The following KLHL2 variants were observed in gnomAD, a reference collection of about 807,000 sequenced individuals.
KLHL2 encodes kelch like family member 2.
Under a neutral mutation model 75.8 loss-of-function variants are expected in KLHL2, and 15 were observed. The observed-to-expected ratio is 0.20, with a 90% CI of 0.13 to 0.30. The LOEUF (loss-of-function observed/expected upper bound fraction) is 0.30. Ranked by LOEUF, KLHL2 falls within the 10% of genes least tolerant of loss-of-function variation. The pLI is 1.00. For missense variants in KLHL2, 381 were observed against 741.0 expected (o/e 0.51, Z 5.64); for synonymous variants, 214 against 251.9 (o/e 0.85, Z 1.42).
chr4:165,271,614 T>C (rs991154145), intron 5 of KLHL2, among the ~76,000 whole-genome samples: 4 of 147,902 alleles, frequency 2.7e-5, no homozygotes, highest in African/African-American at 9.8e-5. Context: ...AGTTTGACTT[T>C]CTCTTTTCCA....
chr4:165,242,817 A>G (rs1385680156), intron 4 of KLHL2, among the ~76,000 whole-genome samples: 2 of 152,214 alleles, frequency 1.3e-5, no homozygotes, highest in East Asian at 1.9e-4. Flanking sequence ...GGCTTTAGAT[A>G]TAAAAAATAT....
At chr4:165,251,901 G>A (rs370518821) in intron 4 of KLHL2, among the ~76,000 whole-genome samples, 4 of 152,168 alleles carry the variant, frequency 2.6e-5, no homozygotes, top group Admixed American at 6.5e-5. Context: ...GAGCCACCGC[G>A]CCCGGCCCCA....
chr4:165,285,484 GCAAC>G (rs1744021355), intron 5 of KLHL2, among the ~76,000 whole-genome samples: 1 of 152,180 alleles, frequency 6.6e-6, no homozygotes, highest in Non-Finnish European at 1.5e-5. Context: ...TAGGCTCACT[GCAAC>G]CTCTGCCTCC....
intron 9 of KLHL2, among the ~76,000 whole-genome samples, chr4:165,306,562 A>G (rs1424431373): frequency 6.6e-6 from 1 of 152,218 alleles, no homozygotes. Flanking sequence ...TATTACTCCC[A>G]CTAACAGTAA....
At position 165,264,753 on chromosome 4, in the gene KLHL2, TATATATATATATAA is replaced by T. The variant is rs1560784307; in HGVS notation, c.544+1396_544+1409del. Among the ~76,000 whole-genome samples the T allele has an allele frequency of 2.7e-3, 219 of 81,494 alleles. 3 individuals carry two copies. The highest frequency in any genetic ancestry group is 9.8e-3 in the African/African-American group (201 of 20,462). 53.5% of individuals were successfully genotyped at this position (81,494 alleles called of 152,430 possible). On this transcript the variant is annotated intron_variant, in intron 5 of 14. Transcript: ENST00000226725. The stretch of plus-strand genomic sequence containing the variant: ...ATATATATATATGTATATATATATA[TATATATATATATAA>T]AACATTATCCACTCATTGGCTGATG...
rs942752683 is a variant in KLHL2, at chr4:165,319,072, TAAATC to T, written c.1753+1105_1753+1109del. ...TGAACAAACCACAAAGATACAATAT[TAAATC>T]ATAACTGCATGAAATTAACTGTAGT... On this transcript the variant is annotated intron_variant, in intron 14 of 14. Coordinates refer to ENST00000226725, the MANE Select transcript of KLHL2 (RefSeq NM_007246.4). This position sits in a 1 kb window ranked among gnomAD's most constrained non-coding sequence, Gnocchi z 4.5. Among the ~76,000 whole-genome samples, 5 of 152,158 alleles carry T rather than the reference TAAATC, an allele frequency of 3.3e-5. No homozygotes were observed. The highest frequency in any genetic ancestry group is 1.2e-4 in the African/African-American group (5 of 41,434).
chr4:165,293,910 T>C (rs1345838558), intron 5 of KLHL2, among the ~76,000 whole-genome samples: 2 of 152,172 alleles, frequency 1.3e-5, no homozygotes, highest in Admixed American at 1.3e-4. Context: ...GCTTTTTTCC[T>C]TACTCCATAA....
At chr4:165,223,475 A>C (rs557592833) in intron 2 of KLHL2, among the ~76,000 whole-genome samples, 12 of 152,360 alleles carry the variant, frequency 7.9e-5, no homozygotes, top group African/African-American at 2.4e-4. Context: ...TCTTCCTGGC[A>C]TGATTAATTG....
At chr4:165,228,432 T>C (rs935166288) in intron 2 of KLHL2, among the ~76,000 whole-genome samples, 2 of 152,120 alleles carry the variant, frequency 1.3e-5, no homozygotes, top group African/African-American at 2.4e-5. Context: ...GTATGTGTTT[T>C]TTCTTCATCT....
chr4:165,291,413 G>C (rs1368679956), intron 5 of KLHL2, among the ~76,000 whole-genome samples: 4 of 151,848 alleles, frequency 2.6e-5, no homozygotes, highest in African/African-American at 9.7e-5. Flanking sequence ...CCATACCCAA[G>C]GTTAGTTAAA....
intron 1 of KLHL2, among the ~76,000 whole-genome samples, chr4:165,213,130 A>G (rs541034652): frequency 1.4e-3 from 213 of 152,206 alleles, no homozygotes; most frequent in African/African-American, 5.0e-3. Flanking sequence ...CATCCTCCAC[A>G]TCTTATCAGT....
intron 1 of KLHL2, among the ~76,000 whole-genome samples, chr4:165,214,152 A>C (rs1192206126): frequency 6.6e-6 from 1 of 152,156 alleles, no homozygotes; most frequent in Non-Finnish European, 1.5e-5. Flanking sequence ...TCAGTGCTGG[A>C]AAATGTATCC....
Position 165,294,472 on chromosome 4 carries a change from A to T in KLHL2, c.654+4A>T, listed in dbSNP as rs1192011684. The T allele has an allele frequency of 6.6e-7, 1 of 1,524,310 alleles. No individual in the cohort carries two copies. Among genetic ancestry groups the T allele is most frequent in the East Asian group, 2.3e-5 (1 of 44,410 alleles). The allele number at this position is 1,524,310 out of a possible 1,614,324, so 94.4% of individuals were successfully genotyped here. ...TACCATTTCTTCAGAAGAGAAGGTA[A>T]GGATATTTTTCTTTTCCCAGTGTGC... On this transcript the variant is annotated splice_donor_region_variant and intron_variant, in intron 6 of 14. Transcript: ENST00000226725.
At chr4:165,220,727 A>C (rs920022917) in intron 2 of KLHL2, among the ~76,000 whole-genome samples, 1 of 152,220 alleles carries the variant, frequency 6.6e-6, no homozygotes, top group African/African-American at 2.4e-5. Flanking sequence ...TATGGAAAGA[A>C]ACTTTTAGAG....
At chr4:165,305,490 C>T (rs1745661528) in intron 8 of KLHL2, 118 bp from the exon 9 acceptor site, 2 of 782,420 alleles carry the variant, frequency 2.6e-6, no homozygotes, top group Non-Finnish European at 2.2e-6. Flanking sequence ...TTTGTATTCG[C>T]CAGCTCACCC....
rs1746006930 is a variant in KLHL2, at chr4:165,309,761, A to C, written c.1040-792A>C. ...CTTAGCTTATGGGTTCTACAGAAAT[A>C]GTTCGCTGGACCAAATTTAGCCTGT... On this transcript the variant is annotated intron_variant, in intron 9 of 14. Transcript: ENST00000226725. Among the ~76,000 whole-genome samples, 3 of 152,360 alleles carry C rather than the reference A, an allele frequency of 2.0e-5. No individual in the cohort carries two copies. The South Asian group carries it at 6.2e-4, about 32-fold the overall frequency.
chr4:165,317,674 T>G (rs1746685434), intron 13 of KLHL2, 152 bp from the exon 14 acceptor site: 1 of 635,774 alleles, frequency 1.6e-6, no homozygotes, highest in Non-Finnish European at 2.6e-6. Flanking sequence ...TATCCTAATA[T>G]AAAACGAATT....
chr4:165,217,560 T>C (rs1737636762), intron 1 of KLHL2, among the ~76,000 whole-genome samples: 1 of 152,180 alleles, frequency 6.6e-6, no homozygotes, highest in Admixed American at 6.6e-5. Context: ...CTTGCGCTAA[T>C]TCATTTGTTA....
intron 5 of KLHL2, among the ~76,000 whole-genome samples, chr4:165,280,361 T>G (rs1406507896): frequency 6.6e-6 from 1 of 152,266 alleles, no homozygotes; most frequent in Non-Finnish European, 1.5e-5. Flanking sequence ...AACAGTTTCT[T>G]CTACAGAAAA....
Sources: allele counts gnomAD v4.1 joint callset (sites outside exome capture counted in the v4.1 genomes callset), GRCh38; gene constraint gnomAD v4.1.1; non-coding constraint Gnocchi (gnomAD v3.1); transcripts MANE v1.5; gene names NCBI Gene and HGNC (gene_info 2026-07-23, HGNC 2026-07-21).